Variants in METAP2 observed in about 807,000 individuals in gnomAD.
The protein encoded by METAP2 is methionine aminopeptidase 2.
Under a neutral mutation model 59.4 loss-of-function variants are expected in METAP2, and 25 were observed. The observed-to-expected ratio is 0.42, with a 90% CI of 0.31 to 0.59. The LOEUF is 0.59. Among genes scored for constraint, METAP2 ranks in the 20% least tolerant of loss-of-function variants. The pLI is 0.16. For synonymous variants in METAP2, 214 were observed against 194.1 expected (o/e 1.10, Z -0.85); for missense variants, 366 against 581.2 (o/e 0.63, Z 3.81).
At chr12:95,478,151 C>T (rs2076134446) in intron 2 of METAP2, among the ~76,000 whole-genome samples, 1 of 151,674 alleles carries the variant, frequency 6.6e-6, no homozygotes, top group Non-Finnish European at 1.5e-5. Context: ...CAGTGCTAAT[C>T]TTGAAGTGTT....
chr12:95,482,200 C>G, intron 2 of METAP2: 2 of 451,716 alleles, frequency 4.4e-6, no homozygotes, highest in Non-Finnish European at 8.9e-6. Context: ...GCCTTGACTT[C>G]CCTGGCTCAG....
At position 95,514,788 on chromosome 12, in the gene METAP2, T is replaced by C. The variant is rs1337877640; in HGVS notation, c.*884T>C. ...AAAGAAGAAAAAAAAAAACTTCCCA[T>C]GTTTGGATCTTGTTCTAGTTAGAAA... is the stretch of plus-strand genomic sequence containing the variant. On this transcript the variant is annotated 3_prime_UTR_variant, in exon 11 of 11. Coordinates refer to ENST00000323666, the MANE Select transcript of METAP2 (RefSeq NM_006838.4). 6.6e-6 allele frequency: 1 copy of C among 152,062 alleles called. No individual in the cohort carries two copies. The highest frequency in any genetic ancestry group is 1.5e-5 in the Non-Finnish European group (1 of 68,010). 9.4% of individuals were successfully genotyped at this position (152,062 alleles called of 1,614,324 possible).
At chr12:95,476,539 A>AGAGAGAGAGAGAGAG (rs773224806) in intron 2 of METAP2, among the ~76,000 whole-genome samples, 31 of 148,652 alleles carry the variant, frequency 2.1e-4, no homozygotes, top group South Asian at 4.3e-4. Flanking sequence ...AGAAAGAAAG[A>AGAGAGAGAGAGAGAG]AAAGCTAGAA....
chr12:95,481,925 A>G (rs1285796301), intron 2 of METAP2, among the ~76,000 whole-genome samples: 1 of 152,230 alleles, frequency 6.6e-6, no homozygotes, highest in East Asian at 1.9e-4. Context: ...AACAGAAACT[A>G]TCTTATTTTT....
chr12:95,475,460 A>T (rs946199575), intron 1 of METAP2, among the ~76,000 whole-genome samples: 2 of 152,186 alleles, frequency 1.3e-5, no homozygotes, highest in African/African-American at 2.4e-5. Context: ...TGTATTTCTT[A>T]ATATGAATTC....
At chr12:95,492,132 T>TTGTGTGTG (rs61423721) in intron 4 of METAP2, among the ~76,000 whole-genome samples, 26,033 of 149,304 alleles carry the variant, frequency 0.17, 2,358 homozygotes, top group Non-Finnish European at 0.2. Context: ...ATATGTGTGT[T>TTGTGTGTG]TGTGTGTGTG....
rs1555191428 is a variant in METAP2, at chr12:95,492,132, T to TGTGTGTG, written c.429-1924_429-1923insGTGTGTG. 2.3e-3 allele frequency among the ~76,000 whole-genome samples: 345 copies of TGTGTGTG among 149,426 alleles called. 1 individual carries two copies. The highest frequency in any genetic ancestry group is 7.4e-3 in the South Asian group (35 of 4,704). On this transcript the variant is annotated intron_variant, in intron 4 of 10. Coordinates refer to ENST00000323666, the MANE Select transcript of METAP2 (RefSeq NM_006838.4). ...CTATCGTGTGTATGTATATGTGTGT[T>TGTGTGTG]TGTGTGTGTGTGTGTGTGTGTGTAT...
At chr12:95,485,119 G>A (rs1477064866) in intron 3 of METAP2, among the ~76,000 whole-genome samples, 2 of 152,198 alleles carry the variant, frequency 1.3e-5, no homozygotes, top group African/African-American at 4.8e-5. Context: ...TGACTTGGAT[G>A]TAATACATTA....
intron 4 of METAP2, among the ~76,000 whole-genome samples, chr12:95,490,103 CTT>C (rs573271455): frequency 7.0e-6 from 1 of 142,154 alleles, no homozygotes; most frequent in Non-Finnish European, 1.5e-5. Context: ...AGTTTTTTTT[CTT>C]TTTTTTTTTG....
chr12:95,502,860 C>A (rs1245300602), intron 7 of METAP2, among the ~76,000 whole-genome samples: 1 of 151,044 alleles, frequency 6.6e-6, no homozygotes, highest in Non-Finnish European at 1.5e-5. Context: ...GTGAATTTTT[C>A]ATTTCAGTTA....
chr12:95,502,297 C>T lies in METAP2; in HGVS notation c.868-1768C>T, dbSNP rs1047700298. 2.6e-5 allele frequency among the ~76,000 whole-genome samples: 4 copies of T among 152,274 alleles called. No individual in the cohort carries two copies. The South Asian group carries it at 6.2e-4, about 24-fold the overall frequency. ...CTGGGATTACAGACATGAGCCACCA[C>T]GCCTAGCCTGATTTCTTTCTCACTT... On this transcript the variant is annotated intron_variant, in intron 7 of 10. Transcript: ENST00000323666.
intron 7 of METAP2, among the ~76,000 whole-genome samples, chr12:95,497,959 C>G (rs892590406): frequency 6.7e-6 from 1 of 149,740 alleles, no homozygotes; most frequent in Non-Finnish European, 1.5e-5. Flanking sequence ...AACCCCGTCT[C>G]TACTAAAAAT....
rs1021324002 is a variant in METAP2 at position 95,474,163 on chromosome 12, G to T, written c.-17G>T. On this transcript the variant is annotated 5_prime_UTR_variant, in exon 1 of 11. Transcript: ENST00000323666. ...CCTCGCCGCTCTGTCTCATTCCCTC[G>T]CGCTCTCTCGGGCAACATGGCGGGT... 2.5e-6 allele frequency: 4 copies of T among 1,612,618 alleles called. No individual in the cohort carries two copies. The African/African-American group carries it at 5.3e-5, about 22-fold the overall frequency.
In METAP2 at chr12:95,495,219, C is replaced by A. The variant is rs561941228; in HGVS notation, c.772+81C>A. On this transcript the variant is annotated intron_variant, in intron 6 of 10. Transcript: ENST00000323666. ...TCTCTGTTAAATGGAGTGATAAATACTGAACTCCCAAATTTTGTTCTTGCT... is the reference window on the plus strand; with the variant it reads ...TCTCTGTTAAATGGAGTGATAAATAATGAACTCCCAAATTTTGTTCTTGCT... 12 of 1,191,376 alleles carry A rather than the reference C, an allele frequency of 1.0e-5. No individual in the cohort carries two copies. In the South Asian group the frequency reaches 1.7e-4, roughly 17 times the overall value. 73.8% of individuals were successfully genotyped at this position (1,191,376 alleles called of 1,614,324 possible). A position where few individuals can be genotyped will look rare whatever the true frequency, so the allele number is the denominator to read the frequency against.
chr12:95,500,576 G>A (rs1275419363), intron 7 of METAP2, among the ~76,000 whole-genome samples: 3 of 152,106 alleles, frequency 2.0e-5, no homozygotes, highest in Non-Finnish European at 2.9e-5. Flanking sequence ...TTCTTAATTT[G>A]TTGAGCCTTT....
At chr12:95,503,048 C>G (rs2140159474) in intron 7 of METAP2, among the ~76,000 whole-genome samples, 1 of 149,780 alleles carries the variant, frequency 6.7e-6, no homozygotes, top group East Asian at 2.0e-4. Context: ...GATCTGCCAT[C>G]AGGTGTTTTT....
At chr12:95,485,788 A>G in intron 3 of METAP2, 91 bp from the exon 4 acceptor site, 2 of 827,390 alleles carry the variant, frequency 2.4e-6, no homozygotes, top group Non-Finnish European at 3.6e-6. Flanking sequence ...AAATCAGAAC[A>G]TATAACAACC....
intron 4 of METAP2, among the ~76,000 whole-genome samples, chr12:95,489,322 A>C (rs934697063): frequency 1.3e-5 from 2 of 152,210 alleles, no homozygotes; most frequent in East Asian, 3.8e-4. Flanking sequence ...AAATTAAATA[A>C]GTAGAATAAC....
rs1243013302 is a variant in METAP2 at position 95,497,856 on chromosome 12, G to A, written c.867+1758G>A. ...TAATTAAAAAATGTAGGCCAGATGT[G>A]GTGGCTCATGCCTGTAATCCCAGCA... On this transcript the variant is annotated intron_variant, in intron 7 of 10. Coordinates refer to ENST00000323666, the MANE Select transcript of METAP2 (RefSeq NM_006838.4). Among the ~76,000 whole-genome samples, 4 of 151,834 alleles carry A rather than the reference G, an allele frequency of 2.6e-5. No individual in the cohort carries two copies. The East Asian group carries it at 7.7e-4, about 29-fold the overall frequency.
Sources: gnomAD v4.1 joint callset for allele counts (sites outside exome capture counted in the v4.1 genomes callset) on GRCh38, gnomAD v4.1.1 for gene constraint, MANE v1.5 for transcripts, NCBI Gene and HGNC (gene_info 2026-07-23, HGNC 2026-07-21) for gene names.